Variants in MAGI2 observed in about 807,000 individuals in gnomAD.
The protein encoded by MAGI2 is membrane associated guanylate kinase, WW and PDZ domain containing 2.
MAGI2 carries 35 observed loss-of-function variants against 133.3 expected under a neutral mutation model. That is an observed-to-expected ratio of 0.26 (90% CI 0.20 to 0.35). The LOEUF is 0.35. Among genes scored for constraint, MAGI2 ranks in the 10% least tolerant of loss-of-function variants. MAGI2 has a pLI of 1.00. For synonymous variants in MAGI2, 729 were observed against 710.6 expected (o/e 1.03, Z -0.41); for missense variants, 1,636 against 1,863.4 (o/e 0.88, Z 2.25).
At chr7:79,053,096 C>G (rs535397710) in intron 1 of MAGI2, among the ~76,000 whole-genome samples, 1 of 152,198 alleles carries the variant, frequency 6.6e-6, no homozygotes, top group East Asian at 1.9e-4. Context: ...CCTCAGCCTC[C>G]CGAGTAGCTG....
chr7:79,196,859 C>A (rs1274672232), intron 1 of MAGI2, among the ~76,000 whole-genome samples: 1 of 151,874 alleles, frequency 6.6e-6, no homozygotes, highest in Non-Finnish European at 1.5e-5. Context: ...CCTTGATCTC[C>A]AAGGCTCAAA....
chr7:78,872,158 A>G (rs951068446), intron 2 of MAGI2, among the ~76,000 whole-genome samples: 4 of 151,578 alleles, frequency 2.6e-5, no homozygotes, highest in Admixed American at 2.0e-4. Flanking sequence ...TTCTCTAGAG[A>G]TTCCTGTGCT....
At chr7:78,836,638 AACTT>A (rs1447338824) in intron 2 of MAGI2, among the ~76,000 whole-genome samples, 6 of 152,198 alleles carry the variant, frequency 3.9e-5, no homozygotes, top group Non-Finnish European at 7.3e-5. Context: ...TTTGTTTTAC[AACTT>A]ACTTATTTCA....
At chr7:79,404,193 A>G (rs1845654396) in intron 1 of MAGI2, among the ~76,000 whole-genome samples, 1 of 152,180 alleles carries the variant, frequency 6.6e-6, no homozygotes, top group Non-Finnish European at 1.5e-5. Flanking sequence ...TATCATAGGT[A>G]GCCTCTTATA....
intron 5 of MAGI2, among the ~76,000 whole-genome samples, chr7:78,491,044 A>C (rs1793558426): frequency 1.3e-5 from 2 of 152,098 alleles, no homozygotes; most frequent in Admixed American, 1.3e-4. Context: ...TGATGATATA[A>C]ATTTCACATG....
chr7:78,772,214 G>T (rs538189952), intron 2 of MAGI2, among the ~76,000 whole-genome samples: 1 of 152,086 alleles, frequency 6.6e-6, no homozygotes, highest in Non-Finnish European at 1.5e-5. Flanking sequence ...GAAAAGATAC[G>T]TAATCTGCTG....
intron 1 of MAGI2, among the ~76,000 whole-genome samples, chr7:79,141,219 G>A (rs913504255): frequency 2.6e-5 from 4 of 152,070 alleles, no homozygotes; most frequent in African/African-American, 7.2e-5. Context: ...TTCCTGTCTT[G>A]TATTATCTTC....
intron 2 of MAGI2, among the ~76,000 whole-genome samples, chr7:78,868,749 GAAGT>G (rs141343132): frequency 0.59 from 89,391 of 151,040 alleles, 27,258 homozygotes; most frequent in East Asian, 0.73. Flanking sequence ...AGAAAAAAAG[GAAGT>G]AATACATACT....
intron 1 of MAGI2, among the ~76,000 whole-genome samples, chr7:79,291,740 T>G (rs1314161717): frequency 1.3e-5 from 2 of 152,214 alleles, no homozygotes; most frequent in Non-Finnish European, 1.5e-5. Context: ...CAGGCCAATT[T>G]ACCCATTTTA....
At chr7:79,422,423 T>G (rs1055861458) in intron 1 of MAGI2, among the ~76,000 whole-genome samples, 1 of 151,900 alleles carries the variant, frequency 6.6e-6, no homozygotes, top group Non-Finnish European at 1.5e-5. Flanking sequence ...TATTTTATTT[T>G]CCCCCAAAAT....
At chr7:78,982,108 T>A (rs1237658315) in intron 2 of MAGI2, among the ~76,000 whole-genome samples, 1 of 151,922 alleles carries the variant, frequency 6.6e-6, no homozygotes, top group Non-Finnish European at 1.5e-5. Context: ...TCAGATCCCA[T>A]ATCCTCCCAA....
At chr7:79,266,818 C>T (rs1162018944) in intron 1 of MAGI2, among the ~76,000 whole-genome samples, 1 of 152,140 alleles carries the variant, frequency 6.6e-6, no homozygotes, top group Non-Finnish European at 1.5e-5. Flanking sequence ...GACAGACACC[C>T]CCCCAAAGCA....
At chr7:79,101,847 T>C (rs921799698) in intron 1 of MAGI2, among the ~76,000 whole-genome samples, 1 of 151,946 alleles carries the variant, frequency 6.6e-6, no homozygotes, top group Admixed American at 6.6e-5. Context: ...AATTCACTTT[T>C]ATTATCAAAA....
chr7:79,339,886 C>A (rs1840762085), intron 1 of MAGI2, among the ~76,000 whole-genome samples: 1 of 152,004 alleles, frequency 6.6e-6, no homozygotes, highest in African/African-American at 2.4e-5. Flanking sequence ...GAGATTTTTT[C>A]CTCCTGTAAA....
chr7:78,123,409 A>G (rs1014107336), intron 20 of MAGI2, among the ~76,000 whole-genome samples: 2 of 152,150 alleles, frequency 1.3e-5, no homozygotes, highest in Non-Finnish European at 2.9e-5. Flanking sequence ...ATAAAGTTTA[A>G]TTTACAAATT....
chr7:78,094,669 G>C (rs1162990807), intron 20 of MAGI2, among the ~76,000 whole-genome samples: 1 of 152,120 alleles, frequency 6.6e-6, no homozygotes, highest in Non-Finnish European at 1.5e-5. Flanking sequence ...TAACTGGTTT[G>C]ATTGAACTGT....
At chr7:79,105,509 T>C (rs1011291266) in intron 1 of MAGI2, among the ~76,000 whole-genome samples, 7 of 152,172 alleles carry the variant, frequency 4.6e-5, no homozygotes, top group Admixed American at 2.6e-4. Flanking sequence ...ATCTCAATTA[T>C]CTGAATGTGG....
intron 2 of MAGI2, among the ~76,000 whole-genome samples, chr7:78,853,518 G>C (rs536087940): frequency 1.3e-5 from 2 of 151,332 alleles, no homozygotes; most frequent in Admixed American, 1.3e-4. Flanking sequence ...ACAAAGCCTG[G>C]CTAATTTTTT....
chr7:78,800,967 A>G (rs1017092815), intron 2 of MAGI2, among the ~76,000 whole-genome samples: 1 of 152,170 alleles, frequency 6.6e-6, no homozygotes, highest in African/African-American at 2.4e-5. Flanking sequence ...AAAATGACCT[A>G]TGAGAACGTA....
Sources: gnomAD v4.1 joint callset for allele counts (sites outside exome capture counted in the v4.1 genomes callset) on GRCh38, gnomAD v4.1.1 for gene constraint, MANE v1.5 for transcripts, NCBI Gene and HGNC (gene_info 2026-07-23, HGNC 2026-07-21) for gene names.